Variants in C2CD3 observed in about 807,000 individuals in gnomAD.
C2CD3 encodes the protein C2 domain-containing protein 3.
Under a neutral mutation model 234.0 loss-of-function variants are expected in C2CD3, and 148 were observed. The observed-to-expected ratio is 0.63, with a 90% CI of 0.55 to 0.72. C2CD3 has a LOEUF of 0.72. Among genes scored for constraint, C2CD3 ranks in the 30% least tolerant of loss-of-function variants. The pLI is 0.00. For missense variants in C2CD3, 2,577 were observed against 2,811.5 expected (o/e 0.92, Z 1.89); for synonymous variants, 1,000 against 1,035.4 (o/e 0.97, Z 0.66).
At chr11:74,075,523 G>C (rs1440241104) in intron 23 of C2CD3, among the ~76,000 whole-genome samples, 2 of 152,248 alleles carry the variant, frequency 1.3e-5, no homozygotes, top group East Asian at 3.9e-4. Context: ...TAAGCCCAGA[G>C]ACTTGAATTT....
chr11:74,100,058 G>A (rs1358974075), intron 15 of C2CD3, among the ~76,000 whole-genome samples: 4 of 152,186 alleles, frequency 2.6e-5, no homozygotes, highest in African/African-American at 9.6e-5. Flanking sequence ...CTTGCAAATA[G>A]TTGATGTGAA....
Position 74,136,548 on chromosome 11 carries a change from A to G in C2CD3, c.955+2172T>C, listed in dbSNP as rs189372981. Among the ~76,000 whole-genome samples the G allele has an allele frequency of 3.2e-3, 492 of 152,324 alleles. 3 individuals are homozygous for G. The Middle Eastern group carries it at 0.034, about 11-fold the overall frequency. On this transcript the variant is annotated intron_variant, in intron 5 of 32. Coordinates refer to ENST00000334126, the MANE Select transcript of C2CD3 (RefSeq NM_001286577.2). ...CCCTTTGATAGCACAGGAGCTGCCT[A>G]AGTCTGAGCTTGTGTTTTCATTTTA...
chr11:74,162,075 C>A (rs773905737), intron 2 of C2CD3, among the ~76,000 whole-genome samples: 14 of 152,046 alleles, frequency 9.2e-5, no homozygotes, highest in Non-Finnish European at 1.8e-4. Flanking sequence ...CTTGGCCTCC[C>A]AAAGTACTGG....
intron 2 of C2CD3, chr11:74,164,271 C>T (rs11236028): frequency 0.29 from 281,998 of 958,706 alleles, 42,582 homozygotes; most frequent in Middle Eastern, 0.32. Context: ...GTAAAAATCA[C>T]GTAGTGTAGC....
chr11:74,137,535 G>GTATATATA (rs58789501), intron 5 of C2CD3, among the ~76,000 whole-genome samples: 1 of 147,370 alleles, frequency 6.8e-6, no homozygotes, highest in South Asian at 2.1e-4. Flanking sequence ...ATCTTGGAGT[G>GTATATATA]TATATATATA....
intron 11 of C2CD3, among the ~76,000 whole-genome samples, chr11:74,109,908 T>C (rs1229336932): frequency 6.7e-6 from 1 of 148,522 alleles, no homozygotes; most frequent in Non-Finnish European, 1.5e-5. Flanking sequence ...CCGTCTCTAC[T>C]AAAAATACAA....
intron 30 of C2CD3, chr11:74,036,416 A>G (rs936788484): frequency 4.4e-6 from 2 of 455,874 alleles, no homozygotes; most frequent in African/African-American, 4.0e-5. Flanking sequence ...TTGACTGAAA[A>G]TATCCAAGCA....
chr11:74,060,160 T>C (rs1204076443), intron 24 of C2CD3, among the ~76,000 whole-genome samples: 2 of 152,094 alleles, frequency 1.3e-5, no homozygotes, highest in African/African-American at 4.8e-5. Flanking sequence ...TCAAGGAGGC[T>C]TGCCTGCCTC....
chr11:74,095,093 C>A, intron 17 of C2CD3, 135 bp downstream of exon 17: 1 of 445,662 alleles, frequency 2.2e-6, no homozygotes, highest in Non-Finnish European at 3.8e-6. Context: ...AAAAACTTGG[C>A]CTATCTCCTG....
At chr11:74,150,501 A>AAC (rs1855534720) in intron 3 of C2CD3, among the ~76,000 whole-genome samples, 2 of 113,380 alleles carry the variant, frequency 1.8e-5, no homozygotes, top group Admixed American at 8.7e-5. Context: ...TCAAAAAAAA[A>AAC]AAAAAAAAAA....
intron 28 of C2CD3, among the ~76,000 whole-genome samples, chr11:74,043,566 C>T (rs1385823113): frequency 3.9e-5 from 6 of 152,136 alleles, no homozygotes; most frequent in Admixed American, 6.5e-5. Flanking sequence ...TTTTCCAATG[C>T]ACCTGCAGTG....
chr11:74,140,947 G>A (rs1213294455), intron 3 of C2CD3, among the ~76,000 whole-genome samples: 1 of 152,236 alleles, frequency 6.6e-6, no homozygotes, highest in Non-Finnish European at 1.5e-5. Flanking sequence ...ATGGAGAAAC[G>A]CCTAATGGAG....
rs1202475056 is a variant in C2CD3 at position 74,170,754 on chromosome 11, A to G, written c.39T>C (p.Arg13=). ...QRKGQGSGGS[R]GRKKRGLSDI... ...TCAGGTTACCTCTTTTTTTGCGCCCACGGCTGCCCCCAGACCCTTGGCCTT... is the reference window on the plus strand; with the variant it reads ...TCAGGTTACCTCTTTTTTTGCGCCCGCGGCTGCCCCCAGACCCTTGGCCTT... The change falls in exon 1 of 33, where the codon CGT becomes CGC. Residue 13 remains arginine, a synonymous_variant. Transcript: ENST00000334126. 1.2e-6 allele frequency: 2 copies of G among 1,613,764 alleles called. No homozygotes were observed. Among genetic ancestry groups the G allele is most frequent in the Non-Finnish European group, 1.7e-6 (2 of 1,179,970 alleles).
chr11:74,100,421 A>C (rs557560987), intron 15 of C2CD3, 104 bp downstream of exon 15: 1 of 1,082,628 alleles, frequency 9.2e-7, no homozygotes, highest in Non-Finnish European at 1.3e-6. Flanking sequence ...AAGTCCTTCA[A>C]GGGATTACTG....
At chr11:74,033,327 C>T (rs754993825) in intron 31 of C2CD3, 24 bp downstream of exon 31, 1 of 1,531,230 alleles carries the variant, frequency 6.5e-7, no homozygotes, top group South Asian at 1.2e-5. Flanking sequence ...ATCCAAACCA[C>T]TTGTGGGAAA....
In C2CD3 at chr11:74,049,498, G is replaced by A. The variant is rs1953568986; in HGVS notation, c.5200C>T (p.Leu1734Phe). Residue 1734 changes from leucine (L) to phenylalanine (F), a missense_variant, in exon 27 of 33, where the codon CTT becomes TTT. Leu to Phe is a conservative substitution (Grantham distance 22). Transcript: ENST00000334126. Reference sequence around the variant, plus strand: ...CAGACAAACTGGAAGCCAGAGAGAAGTGGGGAGAGGTCCACCGAGGCAAAG... The same window carrying A: ...CAGACAAACTGGAAGCCAGAGAGAAATGGGGAGAGGTCCACCGAGGCAAAG... The part of the protein sequence containing the change: ...IGFASVDLSP[L>F]LSGFQFVCGW... The A allele has an allele frequency of 1.2e-6, 2 of 1,612,840 alleles. No homozygotes were observed. Among genetic ancestry groups the A allele is most frequent in the Non-Finnish European group, 1.7e-6 (2 of 1,179,994 alleles).
intron 3 of C2CD3, chr11:74,142,030 A>G (rs1007674509): frequency 3.3e-5 from 5 of 152,764 alleles, no homozygotes; most frequent in Non-Finnish European, 7.3e-5. Context: ...CTCCCCCACA[A>G]AAACACCCTC....
chr11:74,161,583 T>C, intron 2 of C2CD3, 27 bp from the exon 3 acceptor site: 1 of 1,491,434 alleles, frequency 6.7e-7, no homozygotes, highest in Non-Finnish European at 9.0e-7. Context: ...ACAACATGGA[T>C]ATTTTTCATT....
intron 7 of C2CD3, 88 bp from the exon 8 acceptor site, chr11:74,123,223 A>G: frequency 1.1e-6 from 1 of 923,448 alleles, no homozygotes; most frequent in Non-Finnish European, 1.7e-6. Context: ...CTGAGGTTCT[A>G]AATGTGGAAG....
Sources: allele counts gnomAD v4.1 joint callset (sites outside exome capture counted in the v4.1 genomes callset), GRCh38; gene constraint gnomAD v4.1.1; transcripts MANE v1.5; gene names NCBI Gene and HGNC (gene_info 2026-07-23, HGNC 2026-07-21).